TRIM29: variants seen among roughly 807,000 people sequenced by gnomAD.
TRIM29 encodes the protein tripartite motif-containing protein 29.
A neutral mutation model predicts 57.3 loss-of-function variants in TRIM29; 52 were observed. That is an observed-to-expected ratio of 0.91 (90% CI 0.73 to 1.14). The LOEUF (loss-of-function observed/expected upper bound fraction) is 1.14, where lower values mean the gene tolerates loss of function less well. Ranked by LOEUF, TRIM29 falls within the 50% of genes most tolerant of loss-of-function variation. The pLI, the probability that TRIM29 is intolerant of heterozygous loss-of-function variation, is 0.00. For missense variants in TRIM29, 753 were observed against 774.6 expected (o/e 0.97, Z 0.33); for synonymous variants, 319 against 316.9 (o/e 1.01, Z -0.07).
chr11:120,132,384 G>A (rs1863738931), intron 1 of TRIM29, among the ~76,000 whole-genome samples: 1 of 151,858 alleles, frequency 6.6e-6, no homozygotes, highest in African/African-American at 2.4e-5. Flanking sequence ...CCTACTCTCC[G>A]CTTCATTCCT....
chr11:120,133,659 G>C (rs145244520), intron 1 of TRIM29, among the ~76,000 whole-genome samples: 1 of 152,214 alleles, frequency 6.6e-6, no homozygotes, highest in Non-Finnish European at 1.5e-5. Flanking sequence ...TCCCCTTCCC[G>C]AATCCCAAAG....
chr11:120,128,533 A>G, intron 1 of TRIM29, 38 bp from the exon 2 acceptor site: 1 of 1,591,110 alleles, frequency 6.3e-7, no homozygotes, highest in Non-Finnish European at 8.5e-7. Context: ...AGTCAGGGGG[A>G]GGAGATGGAA....
chr11:120,120,477 G>T, intron 6 of TRIM29, 96 bp downstream of exon 6: 1 of 1,127,646 alleles, frequency 8.9e-7, no homozygotes, highest in Non-Finnish European at 1.3e-6. Context: ...TCACACTGGG[G>T]TCCCAGCCCT....
chr11:120,127,297 G>T, intron 3 of TRIM29, 39 bp downstream of exon 3: 1 of 1,592,524 alleles, frequency 6.3e-7, no homozygotes, highest in South Asian at 1.1e-5. Flanking sequence ...AGTGGATTGT[G>T]AAATCGAGGG....
intron 1 of TRIM29, among the ~76,000 whole-genome samples, chr11:120,134,964 G>A (rs1291985358): frequency 6.6e-6 from 1 of 152,184 alleles, no homozygotes; most frequent in African/African-American, 2.4e-5. Flanking sequence ...CTAGACGGGC[G>A]CTCCCCAGTC....
chr11:120,122,924 C>A (rs775054774), intron 5 of TRIM29, 30 bp downstream of exon 5: 4 of 1,600,672 alleles, frequency 2.5e-6, no homozygotes. Flanking sequence ...AGGAGAGACA[C>A]TAGGTCTGGG....
At chr11:120,127,294 T>C (rs1863611493) in intron 3 of TRIM29, 42 bp downstream of exon 3, 5 of 1,585,162 alleles carry the variant, frequency 3.2e-6, no homozygotes, top group Middle Eastern at 1.7e-4. Context: ...AAAAGTGGAT[T>C]GTGAAATCGA....
intron 7 of TRIM29, chr11:120,116,088 C>T (rs1490751289): frequency 2.0e-5 from 3 of 152,632 alleles, no homozygotes; most frequent in Admixed American, 2.0e-4. Context: ...GTGGCCCCTC[C>T]CCTGTTTCAC....
In TRIM29 at chr11:120,137,597, G is replaced by T; in HGVS notation, c.435C>A (p.Pro145=). 1.2e-6 allele frequency: 2 copies of T among 1,613,350 alleles called. No individual in the cohort carries two copies. Among genetic ancestry groups the T allele is most frequent in the Non-Finnish European group, 8.5e-7 (1 of 1,179,982 alleles). ...SRKPTVSIME[P]GETRRNSYPR... is the part of the protein sequence containing the mutation. ...GGTAGCTGTTCCGCCGGGTCTCCCC[G>T]GGCTCCATGATGGACACCGTGGGCT... is the stretch of plus-strand genomic sequence containing the variant. Residue 145 remains proline, a synonymous_variant, in exon 1 of 9, where the codon CCC becomes CCA. Coordinates refer to ENST00000341846, the MANE Select transcript of TRIM29 (RefSeq NM_012101.4). The surrounding 1 kb of genome is among the most constrained non-coding windows in gnomAD (Gnocchi z 6.2).
chr11:120,135,071 G>A (rs1010063104), intron 1 of TRIM29, among the ~76,000 whole-genome samples: 4 of 152,090 alleles, frequency 2.6e-5, no homozygotes, highest in South Asian at 4.2e-4. Flanking sequence ...GCCAGAACCC[G>A]AACTCTGAAC....
In TRIM29 at chr11:120,125,767, T is replaced by C. The variant is rs768757633; in HGVS notation, c.1257A>G (p.Val419=). The change falls in exon 4 of 9, where the codon GTA becomes GTG. Residue 419 remains valine (V), a synonymous_variant. Transcript: ENST00000341846. ...LGNFKDDLLN[V]CMRHVEKMCK... ...ACATCTTCTCAACGTGGCGCATGCA[T>C]ACATTGAGCAGGTCGTCCTTGAAGT... 7 of 1,614,024 alleles carry C rather than the reference T, an allele frequency of 4.3e-6. No homozygotes were observed. The South Asian group carries it at 5.5e-5, about 13-fold the overall frequency.
In TRIM29 at chr11:120,118,529, C is replaced by T. The variant is rs1263723694; in HGVS notation, c.1529-208G>A. ...TATAAAGCATAGTCTTGTCCCTGCCCTACCTAAAGGCCACTGTCCTCAGAA... is the reference window on the plus strand; with the variant it reads ...TATAAAGCATAGTCTTGTCCCTGCCTTACCTAAAGGCCACTGTCCTCAGAA... On this transcript the variant is annotated intron_variant, in intron 6 of 8. Transcript: ENST00000341846. Among the ~76,000 whole-genome samples the T allele has an allele frequency of 2.0e-5, 3 of 152,282 alleles. No individual in the cohort carries two copies. The East Asian group carries it at 5.8e-4, about 29-fold the overall frequency.
chr11:120,135,438 G>C (rs11217702), intron 1 of TRIM29, among the ~76,000 whole-genome samples: 2,192 of 152,250 alleles, frequency 0.014, 95 homozygotes, highest in East Asian at 0.13. Flanking sequence ...CAGTTAGTTA[G>C]AGGCAAAAAC....
intron 1 of TRIM29, among the ~76,000 whole-genome samples, chr11:120,135,211 A>G (rs188914125): frequency 6.6e-6 from 1 of 152,316 alleles, no homozygotes; most frequent in East Asian, 1.9e-4. Flanking sequence ...CCAAACCCAC[A>G]TAGAAGATAA....
At chr11:120,119,231 G>T (rs536049240) in intron 6 of TRIM29, among the ~76,000 whole-genome samples, 2 of 152,156 alleles carry the variant, frequency 1.3e-5, no homozygotes, top group Non-Finnish European at 2.9e-5. Flanking sequence ...TGGAGTGGGG[G>T]GCTCAGAGTC....
intron 1 of TRIM29, among the ~76,000 whole-genome samples, chr11:120,136,368 T>C (rs1437255307): frequency 6.6e-6 from 1 of 152,234 alleles, no homozygotes; most frequent in African/African-American, 2.4e-5. Flanking sequence ...AAGCCTATTT[T>C]GTAATAAAGT....
At chr11:120,113,423 C>T (rs951817536) in intron 8 of TRIM29, 2 of 313,096 alleles carry the variant, frequency 6.4e-6, no homozygotes, top group Non-Finnish European at 6.4e-6. Context: ...GCACCATCAG[C>T]CCCCGGGGGT....
intron 8 of TRIM29, 149 bp downstream of exon 8, chr11:120,115,189 G>A: frequency 1.4e-6 from 1 of 735,436 alleles, no homozygotes; most frequent in Non-Finnish European, 2.3e-6. Context: ...CTGTGTACAG[G>A]TATTCAGGCC....
chr11:120,130,064 C>T (rs1318457622), intron 1 of TRIM29, among the ~76,000 whole-genome samples: 1 of 152,088 alleles, frequency 6.6e-6, no homozygotes, highest in Non-Finnish European at 1.5e-5. Context: ...AAAGCAGGCC[C>T]ACTGTAATGG....
Sources: gnomAD v4.1 joint callset for allele counts (sites outside exome capture counted in the v4.1 genomes callset) on GRCh38, gnomAD v4.1.1 for gene constraint, Gnocchi (gnomAD v3.1) non-coding constraint, MANE v1.5 for transcripts, NCBI Gene and HGNC (gene_info 2026-07-23, HGNC 2026-07-21) for gene names.